The following AHNAK variants were observed in gnomAD, a reference collection of about 807,000 sequenced individuals.
AHNAK encodes the protein neuroblast differentiation-associated protein AHNAK.
Under a neutral mutation model 37.8 loss-of-function variants are expected in AHNAK, and 23 were observed. The ratio of observed to expected loss-of-function variants is 0.61; its 90% CI spans 0.44 to 0.86. AHNAK has a LOEUF of 0.86. AHNAK is among the 40% of genes least tolerant of loss of function. The pLI is 0.00. For synonymous variants in AHNAK, 2,481 were observed against 2,636.3 expected, an observed-to-expected ratio of 0.94 and a Z score of 1.80; for missense variants, 7,411 against 7,319.4, an observed-to-expected ratio of 1.01 and a Z score of -0.46.
chr11:62,508,406 T>C (rs1055760956), intron 4 of AHNAK, among the ~76,000 whole-genome samples: 1 of 152,228 alleles, frequency 6.6e-6, no homozygotes, highest in African/African-American at 2.4e-5. Context: ...ATGCCAGAGC[T>C]GCCTGCTTGC....
chr11:62,534,363 G>A (rs1295727831), intron 4 of AHNAK, among the ~76,000 whole-genome samples: 2 of 152,212 alleles, frequency 1.3e-5, no homozygotes, highest in South Asian at 2.1e-4. Context: ...TTCAGTTAGA[G>A]ATTCAAATCA....
intron 5 of AHNAK, among the ~76,000 whole-genome samples, chr11:62,438,388 T>C (rs960957522): frequency 6.6e-6 from 1 of 151,886 alleles, no homozygotes; most frequent in Non-Finnish European, 1.5e-5. Context: ...TCACCGTGTT[T>C]ATCAGGCTGG....
chr11:62,483,154 G>A (rs1330957685), intron 5 of AHNAK, among the ~76,000 whole-genome samples: 1 of 152,146 alleles, frequency 6.6e-6, no homozygotes, highest in Admixed American at 6.6e-5. Context: ...AGAAGACCCC[G>A]AAGGCCCAGG....
At chr11:62,446,282 C>T (rs1938421938) in intron 5 of AHNAK, among the ~76,000 whole-genome samples, 1 of 152,126 alleles carries the variant, frequency 6.6e-6, no homozygotes, top group South Asian at 2.1e-4. Context: ...ACCTGAAACT[C>T]AAGTCCTCTC....
Position 62,526,265 on chromosome 11 carries a change from C to T in AHNAK, c.8152G>A (p.Gly2718Arg), listed in dbSNP as rs761991268. ...SMPDIDLNLK[G>R]PKVKGDVDVS... ...TCCACATCACCCTTCACTTTGGGTCCTTTCAGGTTTAAGTCAATATCAGGC... is the reference window on the plus strand; with the variant it reads ...TCCACATCACCCTTCACTTTGGGTCTTTTCAGGTTTAAGTCAATATCAGGC... The change falls in exon 5 of 5, where the codon GGA (glycine) becomes AGA (arginine). Residue 2718 changes from glycine to arginine, a missense_variant. Transcript: ENST00000378024. The T allele has an allele frequency of 1.4e-5, 23 of 1,613,666 alleles. No individual in the cohort carries two copies. Among genetic ancestry groups the T allele is most frequent in the Non-Finnish European group, 1.9e-5 (22 of 1,179,970 alleles).
chr11:62,518,082 A>T lies in AHNAK; in HGVS notation c.16335T>A (p.Pro5445=), dbSNP rs1169790937. The T allele has an allele frequency of 1.9e-6, 3 of 1,614,052 alleles. No individual in the cohort carries two copies. The highest frequency in any genetic ancestry group is 2.5e-6 in the Non-Finnish European group (3 of 1,180,032). ...AGTCCACATTCGGTGCTGAAATCCG[A>T]GGCCCTTTCAGGTTCACATCCACAC... ...GPGVDVNLKG[P]RISAPNVDFN... The change falls in exon 5 of 5, where the codon CCT becomes CCA. Residue 5445 remains proline (P), a synonymous_variant. Transcript: ENST00000378024.
intron 5 of AHNAK, among the ~76,000 whole-genome samples, chr11:62,486,113 G>C (rs1320248085): frequency 6.6e-6 from 1 of 151,694 alleles, no homozygotes; most frequent in East Asian, 1.9e-4. Context: ...AAGTAAGCTA[G>C]ACAGAAGAGG....
At chr11:62,480,113 C>T (rs1939236005) in intron 5 of AHNAK, among the ~76,000 whole-genome samples, 2 of 152,190 alleles carry the variant, frequency 1.3e-5, no homozygotes, top group Admixed American at 6.5e-5. Context: ...AAGGTCAGGG[C>T]CCTGCTCCCC....
chr11:62,459,579 C>T (rs1464823689), intron 5 of AHNAK, among the ~76,000 whole-genome samples: 1 of 152,164 alleles, frequency 6.6e-6, no homozygotes, highest in Non-Finnish European at 1.5e-5. Context: ...CTCCTGACCT[C>T]CACACCTCCA....
chr11:62,438,096 A>G (rs1938217033), intron 5 of AHNAK, among the ~76,000 whole-genome samples: 1 of 151,898 alleles, frequency 6.6e-6, no homozygotes, highest in South Asian at 2.1e-4. Context: ...CTGATGAATA[A>G]TGATGTTGAG....
In AHNAK at chr11:62,516,797, C is replaced by T. The variant is rs780310292; in HGVS notation, c.17620G>A (p.Val5874Ile). Residue 5874 changes from valine to isoleucine, a missense_variant, in exon 5 of 5, where the codon GTT becomes ATT. By Grantham distance (29) the Val-to-Ile change is conservative. Coordinates refer to ENST00000378024, the MANE Select transcript of AHNAK (RefSeq NM_001620.3). ...SSSSNDSGNK[V>I]GIQLPEVELS... ...TCCACCTCGGGAAGCTGGATGCCAA[C>T]CTTATTCCCACTGTCATTGCTAGAA... 5.0e-6 allele frequency: 8 copies of T among 1,613,904 alleles called. No individual in the cohort carries two copies. The highest frequency in any genetic ancestry group is 6.8e-6 in the Non-Finnish European group (8 of 1,179,954).
chr11:62,508,898 C>T (rs773048880), intron 4 of AHNAK, among the ~76,000 whole-genome samples: 2 of 152,200 alleles, frequency 1.3e-5, no homozygotes, highest in Non-Finnish European at 2.9e-5. Flanking sequence ...CTAAGCATGC[C>T]ACCAACCCCT....
In AHNAK at chr11:62,529,767, A is replaced by C. The variant is rs140272756; in HGVS notation, c.4650T>G (p.Val1550=). The change falls in exon 5 of 5, where the codon GTT becomes GTG. Residue 1550 remains valine, a synonymous_variant. Transcript: ENST00000378024. ...GVSGPKVDID[V]PDVNLEAPEG... ...CTGGAGCTTCAAGATTCACATCTGG[A>C]ACATCAATGTCCACCTTGGGTCCTG... The C allele has an allele frequency of 9.2e-5, 149 of 1,614,114 alleles. No homozygotes were observed. In the African/African-American group the frequency reaches 1.6e-3, roughly 17 times the overall value.
Position 62,523,550 on chromosome 11 carries a change from C to A in AHNAK, c.10867G>T (p.Asp3623Tyr). The A allele has an allele frequency of 6.2e-7, 1 of 1,614,040 alleles. No individual in the cohort carries two copies. The highest frequency in any genetic ancestry group is 1.1e-5 in the South Asian group (1 of 91,060). ...ATGTCAGCTTTAGGGAGGGTAACAT[C>A]GACTTCAGGGCCTTCTCCTTTGAAG... ...PGFKGEGPEVDVTLPKADIDI... is the reference protein window; with the variant it reads ...PGFKGEGPEVYVTLPKADIDI... Residue 3623 changes from aspartate to tyrosine, a missense_variant, in exon 5 of 5, where the codon GAT becomes TAT. Asp to Tyr is a radical substitution (Grantham distance 160). Coordinates refer to ENST00000378024, the MANE Select transcript of AHNAK (RefSeq NM_001620.3).
chr11:62,513,333 G>A (rs1475820475), downstream of AHNAK, among the ~76,000 whole-genome samples: 1 of 152,194 alleles, frequency 6.6e-6, no homozygotes, highest in African/African-American at 2.4e-5. Context: ...TCAGGAGTTC[G>A]AGACCAGCAT....
chr11:62,493,157 C>T (rs1428717162), intron 4 of AHNAK, among the ~76,000 whole-genome samples: 7 of 150,742 alleles, frequency 4.6e-5, no homozygotes, highest in African/African-American at 1.7e-4. Flanking sequence ...GGATTACAGG[C>T]GTGTGTCACC....
chr11:62,503,899 G>A (rs1416172415), intron 4 of AHNAK, among the ~76,000 whole-genome samples: 3 of 152,118 alleles, frequency 2.0e-5, no homozygotes, highest in African/African-American at 7.2e-5. Flanking sequence ...GGTGGCTTAT[G>A]CCTGTAATGC....
At chr11:62,497,688 C>T (rs561745751) in intron 4 of AHNAK, among the ~76,000 whole-genome samples, 1 of 152,134 alleles carries the variant, frequency 6.6e-6, no homozygotes, top group African/African-American at 2.4e-5. Flanking sequence ...AGGCCAGGCG[C>T]GGTGGTTCAC....
At chr11:62,478,108 C>T (rs1027964515) in intron 5 of AHNAK, among the ~76,000 whole-genome samples, 7 of 152,188 alleles carry the variant, frequency 4.6e-5, no homozygotes, top group African/African-American at 1.7e-4. Flanking sequence ...GAGCAGAGCC[C>T]CTGGCCTCCC....
Sources: gnomAD v4.1 joint callset for allele counts (sites outside exome capture counted in the v4.1 genomes callset) on GRCh38, gnomAD v4.1.1 for gene constraint, MANE v1.5 for transcripts, NCBI Gene and HGNC (gene_info 2026-07-23, HGNC 2026-07-21) for gene names.